Variants in HNRNPA3 observed in about 807,000 individuals in gnomAD.
The protein encoded by HNRNPA3 is heterogeneous nuclear ribonucleoprotein A3.
A neutral mutation model predicts 45.8 loss-of-function variants in HNRNPA3; 3 were observed. The ratio of observed to expected loss-of-function variants is 0.07; its 90% CI spans 0.03 to 0.17. HNRNPA3 has a LOEUF of 0.17. Ranked by LOEUF, HNRNPA3 falls within the 10% of genes least tolerant of loss-of-function variation. The pLI is 1.00. For missense variants in HNRNPA3, 183 were observed against 480.3 expected (o/e 0.38, Z 5.79); for synonymous variants, 170 against 155.6 (o/e 1.09, Z -0.69).
Position 177,216,779 on chromosome 2 carries a change from G to T in HNRNPA3, c.739+8G>T, listed in dbSNP as rs753855298. ...GAAACTTTGGTGGAAGAGGTAGGCT[G>T]TTTATCTTCTAAGTACATGGATACC... On this transcript the variant is annotated splice_region_variant and intron_variant, in intron 6 of 10. Coordinates refer to ENST00000392524, the Ensembl canonical transcript of HNRNPA3. 1.2e-6 allele frequency: 2 copies of T among 1,614,138 alleles called. No homozygotes were observed. Among genetic ancestry groups the T allele is most frequent in the East Asian group, 2.2e-5 (1 of 44,892 alleles).
intron 1 of HNRNPA3, among the ~76,000 whole-genome samples, chr2:177,213,193 A>G (rs912310081): frequency 1.6e-5 from 2 of 124,804 alleles, no homozygotes; most frequent in Admixed American, 1.6e-4. Context: ...AGCGGTTGGG[A>G]GGAGGTGGTG....
At chr2:177,218,283 C>T (rs1278555626) in intron 8 of HNRNPA3, among the ~76,000 whole-genome samples, 1 of 152,014 alleles carries the variant, frequency 6.6e-6, no homozygotes, top group Non-Finnish European at 1.5e-5. Flanking sequence ...AGGATGGTCT[C>T]GATCTCCTGA....
rs754852451 is a variant in HNRNPA3 at position 177,216,473 on chromosome 2, T to C, written c.554-30T>C. The C allele has an allele frequency of 6.6e-6, 10 of 1,525,944 alleles. No homozygotes were observed. The East Asian group carries it at 1.8e-4, about 27-fold the overall frequency. The allele number at this position is 1,525,944 out of a possible 1,614,324, so 94.5% of individuals were successfully genotyped here. On this transcript the variant is annotated intron_variant, in intron 4 of 10. Coordinates refer to ENST00000392524, the Ensembl canonical transcript of HNRNPA3. ...TGCTTTTCCAAACATAAAATAACTT[T>C]TTGTTTTGTTTGATTGAAAAAAAAT...
intron 8 of HNRNPA3, among the ~76,000 whole-genome samples, chr2:177,218,509 A>G (rs1176894190): frequency 2.0e-5 from 3 of 152,180 alleles, no homozygotes; most frequent in African/African-American, 7.2e-5. Context: ...CCGGGAATAA[A>G]TTGTTTGAAT....
At chr2:177,212,868 G>A (rs1460868385) in exon 1 of HNRNPA3, 3 of 1,508,294 alleles carry the variant, frequency 2.0e-6, no homozygotes, top group Admixed American at 4.0e-5. Flanking sequence ...GCCGGGGGGA[G>A]GAGGTATTAG....
downstream of HNRNPA3, chr2:177,223,550 G>C (rs1209498872): frequency 6.6e-6 from 1 of 152,112 alleles, no homozygotes; most frequent in Non-Finnish European, 1.5e-5. Flanking sequence ...AAGTATATTT[G>C]TTAAGTAACT....
chr2:177,215,081 C>T (rs140201744), intron 1 of HNRNPA3, among the ~76,000 whole-genome samples: 38 of 152,210 alleles, frequency 2.5e-4, no homozygotes, highest in African/African-American at 7.0e-4. Flanking sequence ...CAGTTGAAGT[C>T]TTATTTCTGG....
At chr2:177,221,810 TAGTG>T (rs1018068390), downstream of HNRNPA3, 8 of 152,764 alleles carry the variant, frequency 5.2e-5, no homozygotes, top group South Asian at 2.1e-4. Flanking sequence ...ACTATGATGA[TAGTG>T]AGCAACTTTC....
downstream of HNRNPA3, chr2:177,220,123 CAA>C (rs1689125885): frequency 6.6e-6 from 1 of 152,582 alleles, no homozygotes; most frequent in Non-Finnish European, 1.5e-5. Context: ...AAAAAAATCT[CAA>C]AATTTCTATT....
exon 11 of HNRNPA3, chr2:177,219,825 C>T (rs1298473534): frequency 6.6e-6 from 1 of 152,660 alleles, no homozygotes; most frequent in South Asian, 2.1e-4. Flanking sequence ...GAAACTTTAA[C>T]AAAATGCAGT....
intron 1 of HNRNPA3, among the ~76,000 whole-genome samples, chr2:177,213,489 TA>T (rs1354533562): frequency 2.6e-5 from 4 of 152,230 alleles, no homozygotes; most frequent in Admixed American, 2.6e-4. Flanking sequence ...GAGAAGTCGA[TA>T]ATTGGCCTTT....
At chr2:177,214,157 A>G (rs187813636) in intron 1 of HNRNPA3, among the ~76,000 whole-genome samples, 23 of 152,376 alleles carry the variant, frequency 1.5e-4, no homozygotes, top group African/African-American at 5.0e-4. Flanking sequence ...AGTCTTGACT[A>G]AAGTATAAAA....
downstream of HNRNPA3, chr2:177,221,870 A>G (rs529685725): frequency 1.3e-5 from 2 of 152,788 alleles, no homozygotes; most frequent in East Asian, 3.8e-4. Context: ...TATCGAAGAA[A>G]GTCTAGCAGG....
At chr2:177,219,281 T>C (rs764368720) in exon 10 of HNRNPA3, 3 of 1,613,724 alleles carry the variant, frequency 1.9e-6, no homozygotes, top group South Asian at 1.1e-5. Context: ...GTGGTGGATA[T>C]GGTAGCAGAA....
At chr2:177,220,917 C>G (rs1689164735), downstream of HNRNPA3, 1 of 152,570 alleles carries the variant, frequency 6.6e-6, no homozygotes, top group Non-Finnish European at 1.5e-5. Flanking sequence ...TGCTGTTACT[C>G]TCTTTGGTAG....
exon 7 of HNRNPA3, chr2:177,216,940 G>A (rs1346812756): frequency 6.5e-7 from 1 of 1,527,506 alleles, no homozygotes; most frequent in East Asian, 2.3e-5. Context: ...TGGAGGTGAT[G>A]GTAGGTGGCT....
chr2:177,215,407 T>C (rs117087446), intron 1 of HNRNPA3, 132 bp from the exon 2 acceptor site: 17,092 of 973,828 alleles, frequency 0.018, 1,031 homozygotes, highest in Admixed American at 0.17. Context: ...GGTCAAAGTT[T>C]TAACTGGACA....
At chr2:177,217,569 C>T (rs1408110934) in intron 7 of HNRNPA3, 136 bp from the exon 8 acceptor site, 1 of 990,428 alleles carries the variant, frequency 1.0e-6, no homozygotes, top group Non-Finnish European at 1.6e-6. Flanking sequence ...TTCAAGGCTG[C>T]ATTGCTGTGG....
intron 6 of HNRNPA3, 29 bp from the exon 7 acceptor site, chr2:177,216,831 A>G: frequency 1.2e-6 from 2 of 1,612,634 alleles, no homozygotes; most frequent in East Asian, 2.2e-5. Flanking sequence ...TGAATATATT[A>G]TTTTAATTCA....
Sources: gnomAD v4.1 joint callset for allele counts (sites outside exome capture counted in the v4.1 genomes callset) on GRCh38, gnomAD v4.1.1 for gene constraint, MANE v1.5 for transcripts, NCBI Gene and HGNC (gene_info 2026-07-23, HGNC 2026-07-21) for gene names.